Variants in COL18A1 observed in about 807,000 individuals in gnomAD.
COL18A1 encodes collagen alpha-1(XVIII) chain.
COL18A1 carries 133 observed loss-of-function variants against 168.0 expected under a neutral mutation model. The ratio of observed to expected loss-of-function variants is 0.79; its 90% CI spans 0.69 to 0.91. The LOEUF (loss-of-function observed/expected upper bound fraction) is 0.91, where lower values mean the gene tolerates loss of function less well. COL18A1 is among the 40% of genes least tolerant of loss of function. COL18A1 has a pLI of 0.00. For missense variants in COL18A1, 2,126 were observed against 1,925.4 expected, an observed-to-expected ratio of 1.10 and a Z score of -1.95; for synonymous variants, 949 against 809.0, an observed-to-expected ratio of 1.17 and a Z score of -2.94.
At chr21:45,438,031 G>C (rs1343291437) in intron 2 of COL18A1, among the ~76,000 whole-genome samples, 5 of 59,202 alleles carry the variant, frequency 8.4e-5, no homozygotes, top group Admixed American at 4.0e-4. Flanking sequence ...CTCACACACA[G>C]ACACACAGGC....
rs565519063 is a variant in COL18A1 at position 45,425,239 on chromosome 21, T to C, written c.106+19766T>C. On this transcript the variant is annotated intron_variant, in intron 2 of 41. Transcript: ENST00000651438. This position sits in a 1 kb window ranked among gnomAD's most constrained non-coding sequence, Gnocchi z 4.1. ...GTGTGCTGAGTGCAGTGTGACCGCGTCCGCCCGTCTCCCCGGACACGCCTG... is the reference window on the plus strand; with the variant it reads ...GTGTGCTGAGTGCAGTGTGACCGCGCCCGCCCGTCTCCCCGGACACGCCTG... Among the ~76,000 whole-genome samples, 1 of 152,206 alleles carries C rather than the reference T, an allele frequency of 6.6e-6. No homozygotes were observed. Among genetic ancestry groups the C allele is most frequent in the East Asian group, 1.9e-4 (1 of 5,158 alleles).
At chr21:45,407,493 G>C (rs2033151456) in intron 2 of COL18A1, 1 of 152,266 alleles carries the variant, frequency 6.6e-6, no homozygotes, top group African/African-American at 2.4e-5. Context: ...TTGGCCGCTT[G>C]GTTGCCACCC....
At position 45,505,223 on chromosome 21, in the gene COL18A1, T is replaced by C. The variant is rs1040197101; in HGVS notation, c.2958T>C (p.Pro986=). 6.5e-5 allele frequency: 103 copies of C among 1,580,792 alleles called. No homozygotes were observed. Among genetic ancestry groups the C allele is most frequent in the African/African-American group, 6.1e-4 (42 of 68,988 alleles). The change falls in exon 35 of 42, where the codon CCT becomes CCC. Residue 986 remains proline, a synonymous_variant. Transcript: ENST00000651438. ...TCGGCTACGAGGGGCGCCAGGGCCC[T>C]CCCGGCCCCCCAGGCCCCCCAGGGC... is the stretch of plus-strand genomic sequence containing the variant. ...PGIGYEGRQG[P]PGPPGPPGPP...
At chr21:45,506,202 G>A in intron 37 of COL18A1, 1 of 562,176 alleles carries the variant, frequency 1.8e-6, no homozygotes, top group Admixed American at 2.9e-5. Context: ...GCGTGTGAGG[G>A]GCTCCTGGTG....
At chr21:45,452,779 CGT>C (rs1458099475) in intron 2 of COL18A1, among the ~76,000 whole-genome samples, 5 of 149,038 alleles carry the variant, frequency 3.4e-5, no homozygotes, top group South Asian at 2.1e-4. Context: ...TATTCACTGA[CGT>C]GTGAGCATGC....
At chr21:45,511,066 ACACCCCCACACAC>A in intron 40 of COL18A1, 32 bp from the exon 41 acceptor site, 1 of 746,992 alleles carries the variant, frequency 1.3e-6, no homozygotes, top group Non-Finnish European at 2.0e-6. Context: ...ACACCCATCC[ACACCCCCACACAC>A]CACACACACA....
chr21:45,452,480 TGTTTCTG>T (rs543108440), intron 2 of COL18A1, among the ~76,000 whole-genome samples: 3,495 of 150,888 alleles, frequency 0.023, 58 homozygotes, highest in Middle Eastern at 0.061. Flanking sequence ...TGTACGTGTG[TGTTTCTG>T]TATGCATGTG....
At chr21:45,485,826 C>T (rs1248450783) in intron 15 of COL18A1, among the ~76,000 whole-genome samples, 1 of 152,226 alleles carries the variant, frequency 6.6e-6, no homozygotes, top group Non-Finnish European at 1.5e-5. Context: ...TTCCTTCCTC[C>T]AGCTGGGCCT....
intron 2 of COL18A1, among the ~76,000 whole-genome samples, chr21:45,454,726 C>A (rs1330107133): frequency 6.6e-6 from 1 of 152,230 alleles, no homozygotes; most frequent in Non-Finnish European, 1.5e-5. Flanking sequence ...GGGGGCACAG[C>A]AGCCACTCAC....
intron 35 of COL18A1, 28 bp from the exon 36 acceptor site, chr21:45,505,330 T>C (rs764076826): frequency 2.4e-5 from 39 of 1,595,602 alleles, no homozygotes; most frequent in Admixed American, 1.0e-4. Context: ...TGTGGCTTCG[T>C]GTTCCCACCT....
rs1381906306 is a variant in COL18A1, at chr21:45,488,405, T to C, written c.1897-13T>C. 1.9e-6 allele frequency: 3 copies of C among 1,613,844 alleles called. No individual in the cohort carries two copies. Among genetic ancestry groups the C allele is most frequent in the Middle Eastern group, 1.6e-4 (1 of 6,062 alleles). On this transcript the variant is annotated splice_polypyrimidine_tract_variant and intron_variant, in intron 17 of 41. Transcript: ENST00000651438. ...CCAGCTGCACTAACACTGTGTCTCC[T>C]CTGCCCTGACAGGGACCTCCCGGCC...
intron 26 of COL18A1, chr21:45,494,249 C>G: frequency 3.6e-5 from 16 of 439,600 alleles, no homozygotes; most frequent in East Asian, 1.4e-4. Context: ...CACATGCCCT[C>G]CACCCTCCAC....
intron 2 of COL18A1, among the ~76,000 whole-genome samples, chr21:45,405,975 C>T (rs534110372): frequency 3.9e-4 from 60 of 152,260 alleles, no homozygotes; most frequent in African/African-American, 1.2e-3. Flanking sequence ...GCCTCTGTCC[C>T]CGCGCCCGCC....
chr21:45,483,031 A>G (rs1367305105), intron 15 of COL18A1, among the ~76,000 whole-genome samples: 1 of 152,134 alleles, frequency 6.6e-6, no homozygotes, highest in Admixed American at 6.5e-5. Flanking sequence ...GGCCCTTGTC[A>G]CTTTTGTGAT....
At position 45,508,256 on chromosome 21, in the gene COL18A1, A is replaced by G. The variant is rs370987308; in HGVS notation, c.3249+663A>G. Among the ~76,000 whole-genome samples, 102 of 130,114 alleles carry G rather than the reference A, an allele frequency of 7.8e-4. 1 individual carries two copies. The highest frequency in any genetic ancestry group is 6.0e-3 in the Middle Eastern group (1 of 166). The allele number at this position is 130,114 out of a possible 152,430, so 85.4% of individuals were successfully genotyped here. A position where few individuals can be genotyped will look rare whatever the true frequency, so the allele number is the denominator to read the frequency against. ...GGGTAAGTGGGTGAGTGGATGGTGG[A>G]CAGGTGGGTGAGTGGATGGGTAGGT... On this transcript the variant is annotated intron_variant, in intron 38 of 41. Coordinates refer to ENST00000651438, the MANE Select transcript of COL18A1 (RefSeq NM_001379500.1).
chr21:45,501,228 A>G (rs1226415567), intron 32 of COL18A1, among the ~76,000 whole-genome samples: 2 of 152,044 alleles, frequency 1.3e-5, no homozygotes, highest in Non-Finnish European at 2.9e-5. Flanking sequence ...ATTTCTATGC[A>G]TCTAATGAGA....
chr21:45,437,202 ACT>A lies in COL18A1; in HGVS notation c.107-31036_107-31035del, dbSNP rs1258025426. On this transcript the variant is annotated intron_variant, in intron 2 of 41. Coordinates refer to ENST00000651438, the MANE Select transcript of COL18A1 (RefSeq NM_001379500.1). ...CACACACTCACACAGACACACAGGC[ACT>A]CTCCTGCACACACACACACAGACAC... 2.8e-5 allele frequency among the ~76,000 whole-genome samples: 3 copies of A among 108,494 alleles called. 1 individual carries two copies. The highest frequency in any genetic ancestry group is 5.3e-5 in the Non-Finnish European group (3 of 56,730). The allele number at this position is 108,494 out of a possible 152,430, so 71.2% of individuals were successfully genotyped here. A position where few individuals can be genotyped will look rare whatever the true frequency, so the allele number is the denominator to read the frequency against.
chr21:45,442,565 G>T (rs993215742), intron 2 of COL18A1, among the ~76,000 whole-genome samples: 1 of 152,254 alleles, frequency 6.6e-6, no homozygotes, highest in Admixed American at 6.5e-5. Context: ...GCACGCCCAG[G>T]CCCAAGAGTG....
chr21:45,435,141 C>T (rs2034065571), intron 2 of COL18A1, among the ~76,000 whole-genome samples: 1 of 149,396 alleles, frequency 6.7e-6, no homozygotes, highest in African/African-American at 2.5e-5. Flanking sequence ...ACCCGCCCTC[C>T]TGGGGACAGA....
Sources: gnomAD v4.1 joint callset for allele counts (sites outside exome capture counted in the v4.1 genomes callset) on GRCh38, gnomAD v4.1.1 for gene constraint, Gnocchi (gnomAD v3.1) non-coding constraint, MANE v1.5 for transcripts, NCBI Gene and HGNC (gene_info 2026-07-23, HGNC 2026-07-21) for gene names.